Variants in RAD23B observed in about 807,000 individuals in gnomAD.
RAD23B encodes the protein RAD23 nucleotide excision repair protein B.
RAD23B carries 5 observed loss-of-function variants against 49.1 expected under a neutral mutation model. The observed-to-expected ratio is 0.10, with a 90% CI of 0.05 to 0.21. The LOEUF is 0.21. Among genes scored for constraint, RAD23B ranks in the 10% least tolerant of loss-of-function variants. The pLI, the probability that RAD23B is intolerant of heterozygous loss-of-function variation, is 1.00. For synonymous variants in RAD23B, 184 were observed against 165.4 expected, an observed-to-expected ratio of 1.11 and a Z score of -0.86; for missense variants, 356 against 486.7, an observed-to-expected ratio of 0.73 and a Z score of 2.53.
rs186771546 is a variant in RAD23B, at chr9:107,330,635, T to C, written c.*979T>C. 5.1e-4 allele frequency: 78 copies of C among 152,774 alleles called. No individual in the cohort carries two copies. Among genetic ancestry groups the C allele is most frequent in the African/African-American group, 1.8e-3 (73 of 41,578 alleles). The allele number at this position is 152,774 out of a possible 1,614,324, so 9.5% of individuals were successfully genotyped here. A position where few individuals can be genotyped will look rare whatever the true frequency, so the allele number is the denominator to read the frequency against. On this transcript the variant is annotated 3_prime_UTR_variant, in exon 10 of 10. Coordinates refer to ENST00000358015, the MANE Select transcript of RAD23B (RefSeq NM_002874.5). The surrounding 1 kb of genome is among the most constrained non-coding windows in gnomAD (Gnocchi z 4.4). ...AAATGCTGATTCAGTTCAAAATTAA[T>C]GCAAATGTTTCAAAACTGGGTTTCT... is the stretch of plus-strand genomic sequence containing the variant.
chr9:107,317,630 T>C (rs1259727718), intron 5 of RAD23B, among the ~76,000 whole-genome samples: 1 of 151,282 alleles, frequency 6.6e-6, no homozygotes, highest in Non-Finnish European at 1.5e-5. Flanking sequence ...CACAGAGGGG[T>C]AAAGATGTTG....
At chr9:107,284,867 G>A (rs1482842066) in intron 1 of RAD23B, 1 of 1,250,308 alleles carries the variant, frequency 8.0e-7, no homozygotes, top group Non-Finnish European at 1.1e-6. Context: ...TTCATTCTCT[G>A]TATAATAGGG....
At chr9:107,303,227 C>CT (rs1466977614) in intron 3 of RAD23B, among the ~76,000 whole-genome samples, 1 of 152,082 alleles carries the variant, frequency 6.6e-6, no homozygotes, top group Non-Finnish European at 1.5e-5. Flanking sequence ...GTTTAAATCA[C>CT]TAATTGAAAC....
intron 1 of RAD23B, among the ~76,000 whole-genome samples, chr9:107,288,448 GT>G (rs1188643074): frequency 2.0e-5 from 3 of 151,944 alleles, no homozygotes; most frequent in Non-Finnish European, 4.4e-5. Flanking sequence ...TTTTGTTGTT[GT>G]TTTGTTTTGT....
rs1827301476 is a variant in RAD23B, at chr9:107,331,293, A to G, written c.*1637A>G. ...CGAGGTGGGCAGATCACTTGAGGCCAGGAGATTGAGACCAGCCTGACCGTC... is the reference window on the plus strand; with the variant it reads ...CGAGGTGGGCAGATCACTTGAGGCCGGGAGATTGAGACCAGCCTGACCGTC... On this transcript the variant is annotated 3_prime_UTR_variant, in exon 10 of 10. Transcript: ENST00000358015. 1.2e-5 allele frequency: 2 copies of G among 166,550 alleles called. No homozygotes were observed. Among genetic ancestry groups the G allele is most frequent in the Admixed American group, 6.2e-5 (1 of 16,158 alleles). 10.3% of individuals were successfully genotyped at this position (166,550 alleles called of 1,614,324 possible). A position where few individuals can be genotyped will look rare whatever the true frequency, so the allele number is the denominator to read the frequency against.
intron 4 of RAD23B, among the ~76,000 whole-genome samples, chr9:107,310,102 G>C (rs1826863427): frequency 6.6e-6 from 1 of 152,110 alleles, no homozygotes; most frequent in Non-Finnish European, 1.5e-5. Context: ...AATAGACCCA[G>C]ATAGATACAG....
intron 7 of RAD23B, among the ~76,000 whole-genome samples, chr9:107,323,249 G>A (rs1392941278): frequency 6.6e-6 from 1 of 152,116 alleles, no homozygotes; most frequent in East Asian, 1.9e-4. Context: ...GAAGAGTTTA[G>A]ATATATTAGT....
chr9:107,283,733 G>T (rs976628667), intron 1 of RAD23B, 38 bp downstream of exon 1: 167 of 1,394,552 alleles, frequency 1.2e-4, no homozygotes, highest in Non-Finnish European at 1.5e-4. Context: ...AGCCGCGTGC[G>T]GGCCGCGGGG....
intron 9 of RAD23B, among the ~76,000 whole-genome samples, chr9:107,327,655 T>C (rs1300672041): frequency 6.6e-6 from 1 of 152,196 alleles, no homozygotes; most frequent in African/African-American, 2.4e-5. Flanking sequence ...TTATTGAGGT[T>C]CGTTTTGTGG....
chr9:107,331,582 A>G lies in RAD23B; in HGVS notation c.*1926A>G, dbSNP rs563487992. The G allele has an allele frequency of 3.0e-5, 21 of 708,284 alleles. No homozygotes were observed. Among genetic ancestry groups the G allele is most frequent in the South Asian group, 2.7e-4 (17 of 63,508 alleles). 43.9% of individuals were successfully genotyped at this position (708,284 alleles called of 1,614,324 possible). On this transcript the variant is annotated 3_prime_UTR_variant, in exon 10 of 10. Coordinates refer to ENST00000358015, the MANE Select transcript of RAD23B (RefSeq NM_002874.5). ...CATATATACGTTCATCTTTCAAGTC[A>G]GAGCAATGAGTTGGGAAAAGAGGTG...
At chr9:107,296,570 T>G (rs1826525431) in intron 1 of RAD23B, among the ~76,000 whole-genome samples, 1 of 152,130 alleles carries the variant, frequency 6.6e-6, no homozygotes, top group South Asian at 2.1e-4. Context: ...CTCTCTCTTT[T>G]TTTTTTTCTT....
At chr9:107,325,872 G>A (rs1827193349) in intron 9 of RAD23B, among the ~76,000 whole-genome samples, 1 of 152,104 alleles carries the variant, frequency 6.6e-6, no homozygotes, top group Non-Finnish European at 1.5e-5. Flanking sequence ...TTATCTATGG[G>A]TTTTTTGTGG....
In RAD23B at chr9:107,318,694, A is replaced by G. The variant is rs908048602; in HGVS notation, c.554-58A>G. The G allele has an allele frequency of 1.2e-5, 19 of 1,528,562 alleles. No individual in the cohort carries two copies. Among genetic ancestry groups the G allele is most frequent in the Middle Eastern group, 1.8e-4 (1 of 5,654 alleles). 94.7% of individuals were successfully genotyped at this position (1,528,562 alleles called of 1,614,324 possible). A position where few individuals can be genotyped will look rare whatever the true frequency, so the allele number is the denominator to read the frequency against. On this transcript the variant is annotated intron_variant, in intron 5 of 9. Transcript: ENST00000358015. This position sits in a 1 kb window ranked among gnomAD's most constrained non-coding sequence, Gnocchi z 4.3. ...GTTGTATACATGAATCAATAAATGT[A>G]TAGAGAATGCTTATTTATTAAATGT...
At chr9:107,294,307 G>A (rs143461925) in intron 1 of RAD23B, among the ~76,000 whole-genome samples, 192 of 152,318 alleles carry the variant, frequency 1.3e-3, no homozygotes, top group Non-Finnish European at 2.1e-3. Flanking sequence ...TGTTAACCAT[G>A]TCTTTGTCTC....
chr9:107,305,179 C>T (rs1428505916), intron 3 of RAD23B, among the ~76,000 whole-genome samples: 1 of 152,004 alleles, frequency 6.6e-6, no homozygotes, highest in Admixed American at 6.5e-5. Context: ...GCCCGTAGTC[C>T]CAGCTACCTG....
chr9:107,291,934 G>A (rs1402504922), intron 1 of RAD23B, among the ~76,000 whole-genome samples: 1 of 152,106 alleles, frequency 6.6e-6, no homozygotes, highest in Admixed American at 6.6e-5. Flanking sequence ...CTCTTTGAAA[G>A]TCCAGTTTTC....
intron 1 of RAD23B, among the ~76,000 whole-genome samples, chr9:107,297,791 A>G (rs79638127): frequency 0.031 from 4,625 of 151,314 alleles, 98 homozygotes; most frequent in Non-Finnish European, 0.044. Flanking sequence ...ATAAAGCTAG[A>G]GAGTCCCGTT....
At chr9:107,294,818 C>T (rs768679702) in intron 1 of RAD23B, among the ~76,000 whole-genome samples, 33 of 151,958 alleles carry the variant, frequency 2.2e-4, no homozygotes, top group East Asian at 1.9e-4. Flanking sequence ...GGAGTAGACA[C>T]GATGGATTAT....
At chr9:107,287,827 T>TC (rs1207042322) in intron 1 of RAD23B, among the ~76,000 whole-genome samples, 2 of 103,812 alleles carry the variant, frequency 1.9e-5, no homozygotes, top group Non-Finnish European at 3.7e-5. Flanking sequence ...AGAGCGAAAC[T>TC]CCATCTCAAA....
Sources: gnomAD v4.1 joint callset for allele counts (sites outside exome capture counted in the v4.1 genomes callset) on GRCh38, gnomAD v4.1.1 for gene constraint, Gnocchi (gnomAD v3.1) non-coding constraint, MANE v1.5 for transcripts, NCBI Gene and HGNC (gene_info 2026-07-23, HGNC 2026-07-21) for gene names.